NSUN6: variants seen among roughly 807,000 people sequenced by gnomAD.
NSUN6 encodes the protein NOP2/Sun RNA methyltransferase 6, also known as tRNA (cytosine(72)-C(5))-methyltransferase NSUN6.
NSUN6 carries 64 observed loss-of-function variants against 58.0 expected under a neutral mutation model. That is an observed-to-expected ratio of 1.10 (90% CI 0.90 to 1.36). NSUN6 has a LOEUF of 1.36. Among genes scored for constraint, NSUN6 ranks in the 40% most tolerant of loss-of-function variants. The pLI, the probability that NSUN6 is intolerant of heterozygous loss-of-function variation, is 0.00. For synonymous variants in NSUN6, 231 were observed against 193.9 expected (o/e 1.19, Z -1.59); for missense variants, 701 against 550.1 (o/e 1.27, Z -2.74).
intron 7 of NSUN6, among the ~76,000 whole-genome samples, chr10:18,594,394 C>A (rs973151722): frequency 2.0e-5 from 3 of 151,960 alleles, no homozygotes; most frequent in African/African-American, 7.3e-5. Flanking sequence ...TGTAAATATT[C>A]CTCAAATACT....
intron 7 of NSUN6, 29 bp from the exon 8 acceptor site, chr10:18,586,122 G>GAAA (rs751821413): frequency 2.8e-5 from 32 of 1,152,550 alleles, no homozygotes; most frequent in South Asian, 5.6e-5. Flanking sequence ...CACACATGCA[G>GAAA]AAAAAAAAAA....
At chr10:18,610,589 CAATCCCAAGGA>C (rs2058197924) in intron 5 of NSUN6, among the ~76,000 whole-genome samples, 1 of 152,190 alleles carries the variant, frequency 6.6e-6, no homozygotes, top group Admixed American at 6.5e-5. Flanking sequence ...GGTACTGACA[CAATCCCAAGGA>C]TAACCTTTTC....
chr10:18,612,094 G>A lies in NSUN6; in HGVS notation c.576-2168C>T, dbSNP rs560673167. Among the ~76,000 whole-genome samples, 5 of 152,124 alleles carry A rather than the reference G, an allele frequency of 3.3e-5. No homozygotes were observed. The South Asian group carries it at 8.3e-4, about 25-fold the overall frequency. Reference sequence around the variant, plus strand: ...GCTCCTGAGCAGAAAATATACAAACGAAGCTTCTGAAATGTCACTGACTCA... The same window carrying A: ...GCTCCTGAGCAGAAAATATACAAACAAAGCTTCTGAAATGTCACTGACTCA... On this transcript the variant is annotated intron_variant, in intron 5 of 10. Transcript: ENST00000377304.
intron 3 of NSUN6, among the ~76,000 whole-genome samples, chr10:18,620,844 C>T (rs1564812106): frequency 6.6e-6 from 1 of 152,202 alleles, no homozygotes; most frequent in African/African-American, 2.4e-5. Flanking sequence ...AACACCATCA[C>T]ATCTCACATA....
chr10:18,619,927 G>A (rs910304145), intron 3 of NSUN6, among the ~76,000 whole-genome samples: 1 of 151,660 alleles, frequency 6.6e-6, no homozygotes, highest in Non-Finnish European at 1.5e-5. Context: ...TTTACTATGT[G>A]CGATGCAATA....
chr10:18,621,314 T>C (rs1404344018), intron 3 of NSUN6, among the ~76,000 whole-genome samples: 1 of 152,176 alleles, frequency 6.6e-6, no homozygotes, highest in Non-Finnish European at 1.5e-5. Context: ...GTGATGGTTT[T>C]CCCTTTGCTG....
upstream of NSUN6, chr10:18,653,109 G>C: frequency 1.0e-6 from 1 of 984,738 alleles, no homozygotes; most frequent in Non-Finnish European, 1.2e-6. Context: ...GGTGACCATA[G>C]CACCACTGAT....
upstream of NSUN6, among the ~76,000 whole-genome samples, chr10:18,655,375 T>A (rs901223523): frequency 2.0e-5 from 3 of 152,218 alleles, no homozygotes; most frequent in South Asian, 6.2e-4. Context: ...GAAATACAGA[T>A]AATAGCTCCT....
chr10:18,587,186 A>G (rs114596412), intron 7 of NSUN6, among the ~76,000 whole-genome samples: 166 of 152,354 alleles, frequency 1.1e-3, no homozygotes, highest in African/African-American at 3.8e-3. Context: ...GGCAAACATT[A>G]AAAATCACCA....
At chr10:18,609,235 C>T (rs925655211) in intron 6 of NSUN6, among the ~76,000 whole-genome samples, 30 of 152,088 alleles carry the variant, frequency 2.0e-4, no homozygotes, top group African/African-American at 7.2e-4. Context: ...CGCTTGAGCC[C>T]AGGAGTTTGA....
rs541125202 is a variant in NSUN6, at chr10:18,561,371, A to G, written c.923-9400T>C. The stretch of plus-strand genomic sequence containing the variant: ...AATGGAGAACGGAATGGAGAATACA[A>G]TGGAATGGAATGCAGTGGTGAATGG... On this transcript the variant is annotated intron_variant, in intron 8 of 10. Transcript: ENST00000377304. Among the ~76,000 whole-genome samples the G allele has an allele frequency of 3.5e-4, 29 of 82,428 alleles. 10 individuals carry two copies. The highest frequency in any genetic ancestry group is 1.0e-3 in the African/African-American group (25 of 23,974). 54.1% of individuals were successfully genotyped at this position (82,428 alleles called of 152,430 possible).
At position 18,651,335 on chromosome 10, in the gene NSUN6, A is replaced by T. The variant is rs1419039482; in HGVS notation, c.-132T>A. 1.1e-5 allele frequency: 16 copies of T among 1,398,522 alleles called. No homozygotes were observed. The highest frequency in any genetic ancestry group is 1.5e-5 in the Non-Finnish European group (16 of 1,082,334). The allele number at this position is 1,398,522 out of a possible 1,614,324, so 86.6% of individuals were successfully genotyped here. On this transcript the variant is annotated 5_prime_UTR_variant, in exon 1 of 11. Transcript: ENST00000377304. ...GAGGAAAATCTTGCCGATCACGCTG[A>T]GTTAATTTCGGAAATGCAGAGGTAC...
intron 3 of NSUN6, among the ~76,000 whole-genome samples, chr10:18,633,960 G>C (rs1417322861): frequency 6.6e-6 from 1 of 152,210 alleles, no homozygotes; most frequent in Non-Finnish European, 1.5e-5. Flanking sequence ...CAGCAGAGAA[G>C]ATTTGCAGTA....
In NSUN6 at chr10:18,624,959, T is replaced by C. The variant is rs185652592; in HGVS notation, c.312-8666A>G. Among the ~76,000 whole-genome samples, 415 of 152,334 alleles carry C rather than the reference T, an allele frequency of 2.7e-3. 7 individuals carry two copies. The highest frequency in any genetic ancestry group is 3.5e-4 in the Non-Finnish European group (24 of 68,030). ...TCGGGAGTCTGGGAATTTCGGTACATGCTACGCAGAGGGTGCCTATGTGAC... is the reference window on the plus strand; with the variant it reads ...TCGGGAGTCTGGGAATTTCGGTACACGCTACGCAGAGGGTGCCTATGTGAC... On this transcript the variant is annotated intron_variant, in intron 3 of 10. Transcript: ENST00000377304.
At chr10:18,551,244 T>TTGTGTGTG (rs35396134) in intron 9 of NSUN6, among the ~76,000 whole-genome samples, 14,643 of 126,956 alleles carry the variant, frequency 0.12, 972 homozygotes, top group East Asian at 0.14. Flanking sequence ...GTCCTCTCAG[T>TTGTGTGTG]TGTGTGTGTG....
At chr10:18,626,720 T>C (rs943512812) in intron 3 of NSUN6, among the ~76,000 whole-genome samples, 2 of 152,106 alleles carry the variant, frequency 1.3e-5, no homozygotes, top group Admixed American at 6.6e-5. Flanking sequence ...TGAGCCGAGA[T>C]CGTGCCATTG....
intron 5 of NSUN6, among the ~76,000 whole-genome samples, chr10:18,612,344 C>T (rs187312969): frequency 3.3e-4 from 50 of 152,254 alleles, no homozygotes; most frequent in African/African-American, 9.9e-4. Flanking sequence ...ATCACTTGAG[C>T]TCAGGAATTC....
intron 8 of NSUN6, among the ~76,000 whole-genome samples, chr10:18,565,023 TC>T (rs2055823793): frequency 6.6e-6 from 1 of 150,724 alleles, no homozygotes; most frequent in African/African-American, 2.4e-5. Context: ...TCCATTCCAT[TC>T]CCCACTCCAT....
chr10:18,618,077 T>G (rs2058475596), intron 3 of NSUN6, among the ~76,000 whole-genome samples: 1 of 152,224 alleles, frequency 6.6e-6, no homozygotes, highest in Admixed American at 6.5e-5. Context: ...GCCTTCACAT[T>G]GATTGATTTA....
Sources: gnomAD v4.1 joint callset for allele counts (sites outside exome capture counted in the v4.1 genomes callset) on GRCh38, gnomAD v4.1.1 for gene constraint, MANE v1.5 for transcripts, NCBI Gene and HGNC (gene_info 2026-07-23, HGNC 2026-07-21) for gene names.